LTBP1: variants seen among roughly 807,000 people sequenced by gnomAD.
The protein encoded by LTBP1 is latent-transforming growth factor beta-binding protein 1.
Under a neutral mutation model 207.6 loss-of-function variants are expected in LTBP1, and 129 were observed. That is an observed-to-expected ratio of 0.62 (90% CI 0.54 to 0.72). LTBP1 has a LOEUF of 0.72. Ranked by LOEUF, LTBP1 falls within the 30% of genes least tolerant of loss-of-function variation. The probability of loss-of-function intolerance (pLI) is 0.00; values close to 1 mark genes in which losing one functional copy is unlikely to be tolerated. For missense variants in LTBP1, 2,281 were observed against 2,217.2 expected (o/e 1.03, Z -0.58); for synonymous variants, 963 against 833.7 (o/e 1.16, Z -2.67).
chr2:33,236,153 C>T (rs1298263501), intron 9 of LTBP1, among the ~76,000 whole-genome samples: 1 of 152,242 alleles, frequency 6.6e-6, no homozygotes, highest in Non-Finnish European at 1.5e-5. Flanking sequence ...GTCAACCAGA[C>T]TTGATAATTC....
intron 9 of LTBP1, among the ~76,000 whole-genome samples, chr2:33,241,933 T>C (rs2149748871): frequency 6.6e-6 from 1 of 152,306 alleles, no homozygotes; most frequent in Middle Eastern, 3.4e-3. Context: ...CTTCAATAAA[T>C]AATGAGATGG....
rs564811904 is a variant in LTBP1 at position 33,091,573 on chromosome 2, G to T, written c.864-19009G>T. Among the ~76,000 whole-genome samples the T allele has an allele frequency of 1.6e-3, 246 of 152,278 alleles. 8 individuals are homozygous for T. The South Asian group carries it at 0.035, about 21-fold the overall frequency. ...TTGGCACATGGTAGTTAATCAGTAAGTCTTAGCTGAATAAATGCTGCTTAT... is the reference window on the plus strand; with the variant it reads ...TTGGCACATGGTAGTTAATCAGTAATTCTTAGCTGAATAAATGCTGCTTAT... On this transcript the variant is annotated intron_variant, in intron 3 of 33. Transcript: ENST00000404816.
intron 5 of LTBP1, among the ~76,000 whole-genome samples, chr2:33,135,725 T>G (rs771657576): frequency 1.3e-5 from 2 of 152,260 alleles, no homozygotes; most frequent in Non-Finnish European, 2.9e-5. Context: ...GAAAGGATTG[T>G]GGTCCACGGA....
At chr2:33,194,415 T>C (rs1005228883) in intron 7 of LTBP1, among the ~76,000 whole-genome samples, 4 of 152,202 alleles carry the variant, frequency 2.6e-5, no homozygotes, top group African/African-American at 9.7e-5. Flanking sequence ...GGAAAAGTTC[T>C]TGAAGGAAAT....
At chr2:33,042,406 C>A (rs1235790128) in intron 3 of LTBP1, among the ~76,000 whole-genome samples, 1 of 152,134 alleles carries the variant, frequency 6.6e-6, no homozygotes, top group East Asian at 1.9e-4. Context: ...TGTGCTTTTC[C>A]TCAGTGTGAT....
chr2:33,246,813 T>G (rs1241230022), intron 10 of LTBP1, among the ~76,000 whole-genome samples: 1 of 152,194 alleles, frequency 6.6e-6, no homozygotes, highest in Non-Finnish European at 1.5e-5. Context: ...TTGCCTTGGC[T>G]TAGCCAAGCT....
intron 3 of LTBP1, among the ~76,000 whole-genome samples, chr2:33,076,937 ATTTTAT>A (rs2078116348): frequency 6.6e-6 from 1 of 152,090 alleles, no homozygotes; most frequent in African/African-American, 2.4e-5. Context: ...GGGGCTTAGA[ATTTTAT>A]TTTTATTTCT....
At chr2:33,249,576 TTTGG>T (rs1186802376) in intron 10 of LTBP1, among the ~76,000 whole-genome samples, 2 of 152,206 alleles carry the variant, frequency 1.3e-5, no homozygotes, top group Non-Finnish European at 2.9e-5. Flanking sequence ...ATGGTTATGA[TTTGG>T]TACTATACTT....
chr2:33,128,210 T>C (rs2081558519), intron 4 of LTBP1, among the ~76,000 whole-genome samples: 1 of 152,194 alleles, frequency 6.6e-6, no homozygotes, highest in Non-Finnish European at 1.5e-5. Context: ...ATAGAAATGG[T>C]CAAATGCCTC....
chr2:33,128,236 T>A (rs983037392), intron 4 of LTBP1, among the ~76,000 whole-genome samples: 5 of 152,200 alleles, frequency 3.3e-5, no homozygotes, highest in African/African-American at 9.6e-5. Flanking sequence ...ACTTGCTCTT[T>A]GAAAGACAAC....
intron 3 of LTBP1, among the ~76,000 whole-genome samples, chr2:33,058,249 T>C (rs773503794): frequency 6.6e-6 from 1 of 152,252 alleles, no homozygotes; most frequent in African/African-American, 2.4e-5. Context: ...AATAGAATTA[T>C]GTTAGCATTA....
At chr2:33,282,948 A>G (rs2093588941) in intron 19 of LTBP1, among the ~76,000 whole-genome samples, 1 of 151,810 alleles carries the variant, frequency 6.6e-6, no homozygotes, top group South Asian at 2.1e-4. Flanking sequence ...CTATAATCCC[A>G]GCCACCCAGT....
chr2:33,180,661 G>C (rs2086532444), intron 5 of LTBP1, among the ~76,000 whole-genome samples: 1 of 152,004 alleles, frequency 6.6e-6, no homozygotes, highest in Non-Finnish European at 1.5e-5. Context: ...ATGCCTTGTT[G>C]ACCAGGCTGG....
intron 11 of LTBP1, among the ~76,000 whole-genome samples, chr2:33,255,538 T>C (rs1330990499): frequency 6.6e-6 from 1 of 152,138 alleles, no homozygotes; most frequent in Non-Finnish European, 1.5e-5. Flanking sequence ...CACACGTATG[T>C]TTATTGCGGC....
intron 3 of LTBP1, among the ~76,000 whole-genome samples, chr2:33,093,018 G>A (rs563545393): frequency 5.5e-4 from 83 of 152,250 alleles, no homozygotes; most frequent in African/African-American, 1.9e-3. Flanking sequence ...TCTGTCACAG[G>A]TGGAGGGGAG....
At chr2:32,989,887 A>G (rs1241527319) in intron 2 of LTBP1, among the ~76,000 whole-genome samples, 3 of 152,250 alleles carry the variant, frequency 2.0e-5, no homozygotes, top group East Asian at 1.9e-4. Context: ...AACTAAATAC[A>G]TTAATATCTG....
intron 3 of LTBP1, among the ~76,000 whole-genome samples, chr2:33,032,574 C>T (rs1573204194): frequency 1.3e-5 from 2 of 152,136 alleles, no homozygotes; most frequent in East Asian, 3.8e-4. Flanking sequence ...TAATCACACA[C>T]AGATGTATAA....
At chr2:33,331,222 G>C (rs1266801794) in intron 24 of LTBP1, among the ~76,000 whole-genome samples, 1 of 150,968 alleles carries the variant, frequency 6.6e-6, no homozygotes, top group Non-Finnish European at 1.5e-5. Flanking sequence ...ATTAATTTTT[G>C]CTTTTATATT....
At chr2:32,962,199 A>T (rs1345795162) in intron 2 of LTBP1, among the ~76,000 whole-genome samples, 1 of 152,194 alleles carries the variant, frequency 6.6e-6, no homozygotes, top group Non-Finnish European at 1.5e-5. Context: ...ACCTCCTAGA[A>T]GTTGGTTTGA....
Sources: allele counts gnomAD v4.1 joint callset (sites outside exome capture counted in the v4.1 genomes callset), GRCh38; gene constraint gnomAD v4.1.1; transcripts MANE v1.5; gene names NCBI Gene and HGNC (gene_info 2026-07-23, HGNC 2026-07-21).